Variants in KCNIP4 observed in about 807,000 individuals in gnomAD.
KCNIP4 encodes the protein Kv channel-interacting protein 4.
Under a neutral mutation model 34.0 loss-of-function variants are expected in KCNIP4, and 12 were observed. The ratio of observed to expected loss-of-function variants is 0.35; its 90% CI spans 0.23 to 0.57. The LOEUF (loss-of-function observed/expected upper bound fraction) is 0.57. Among genes scored for constraint, KCNIP4 ranks in the 20% least tolerant of loss-of-function variants. The pLI is 0.83. For missense variants in KCNIP4, 238 were observed against 311.7 expected (o/e 0.76, Z 1.78); for synonymous variants, 124 against 102.2 (o/e 1.21, Z -1.29).
At chr4:21,823,731 G>A (rs1458878825) in intron 1 of KCNIP4, among the ~76,000 whole-genome samples, 2 of 152,166 alleles carry the variant, frequency 1.3e-5, no homozygotes, top group East Asian at 1.9e-4. Context: ...AGGCTAAATA[G>A]TTAGAAAGGC....
intron 1 of KCNIP4, among the ~76,000 whole-genome samples, chr4:21,218,852 T>G (rs1362059538): frequency 6.6e-6 from 1 of 152,138 alleles, no homozygotes; most frequent in Non-Finnish European, 1.5e-5. Flanking sequence ...TAGTGTGATA[T>G]ATATATGTGG....
At chr4:21,910,749 T>C (rs980248473) in intron 1 of KCNIP4, among the ~76,000 whole-genome samples, 1 of 152,194 alleles carries the variant, frequency 6.6e-6, no homozygotes, top group African/African-American at 2.4e-5. Flanking sequence ...CCAGTTACTT[T>C]TCAGCTTCTG....
intron 1 of KCNIP4, among the ~76,000 whole-genome samples, chr4:21,242,601 G>T (rs978268068): frequency 6.6e-6 from 1 of 152,110 alleles, no homozygotes; most frequent in Non-Finnish European, 1.5e-5. Flanking sequence ...TTGAGAGTCT[G>T]AATAGAACAA....
intron 1 of KCNIP4, among the ~76,000 whole-genome samples, chr4:21,500,699 T>C (rs1366579445): frequency 6.6e-6 from 1 of 152,096 alleles, no homozygotes; most frequent in African/African-American, 2.4e-5. Context: ...AAAAGTACTG[T>C]CATAAATTCT....
Position 21,694,921 on chromosome 4 carries a change from A to T in KCNIP4, c.61+253650T>A, listed in dbSNP as rs548499905. On this transcript the variant is annotated intron_variant, in intron 1 of 8. Coordinates refer to ENST00000382152, the MANE Select transcript of KCNIP4 (RefSeq NM_025221.6). Reference sequence around the variant, plus strand: ...TCAGATAACACGATTGACCAAAAAAAAAAAAAAAATAAAAATAAATAAATA... The same window carrying T: ...TCAGATAACACGATTGACCAAAAAATAAAAAAAAATAAAAATAAATAAATA... Among the ~76,000 whole-genome samples the T allele has an allele frequency of 1.9e-3, 183 of 96,088 alleles. 2 individuals carry two copies. The highest frequency in any genetic ancestry group is 3.8e-3 in the Non-Finnish European group (156 of 40,548). 63.0% of individuals were successfully genotyped at this position (96,088 alleles called of 152,430 possible).
intron 2 of KCNIP4, among the ~76,000 whole-genome samples, chr4:20,878,635 T>G (rs1724330691): frequency 6.6e-6 from 1 of 152,200 alleles, no homozygotes; most frequent in Non-Finnish European, 1.5e-5. Flanking sequence ...GTATCATGCC[T>G]GCCCTATATG....
At chr4:20,761,603 G>C (rs747758639) in intron 3 of KCNIP4, among the ~76,000 whole-genome samples, 61 of 152,232 alleles carry the variant, frequency 4.0e-4, no homozygotes, top group Non-Finnish European at 7.5e-4. Context: ...GTTAGAGCTG[G>C]AAAGTTGCCT....
chr4:21,460,907 G>C (rs1314550189), intron 1 of KCNIP4, among the ~76,000 whole-genome samples: 2 of 152,004 alleles, frequency 1.3e-5, no homozygotes, highest in African/African-American at 4.8e-5. Flanking sequence ...TGTGGTTTGT[G>C]GACCAGTGCA....
At chr4:21,352,353 G>A (rs1000597196) in intron 1 of KCNIP4, among the ~76,000 whole-genome samples, 1 of 152,172 alleles carries the variant, frequency 6.6e-6, no homozygotes, top group Non-Finnish European at 1.5e-5. Flanking sequence ...CAAGGGGTCA[G>A]GAGATTTCCC....
intron 1 of KCNIP4, among the ~76,000 whole-genome samples, chr4:20,890,905 G>A (rs6447995): frequency 0.72 from 108,935 of 151,946 alleles, 39,249 homozygotes; most frequent in Non-Finnish European, 0.75. Flanking sequence ...AGACCTCAGT[G>A]GTGGCATATG....
rs572869510 is a variant in KCNIP4, at chr4:21,419,555, A to G, written c.61+529016T>C. Among the ~76,000 whole-genome samples the G allele has an allele frequency of 6.6e-5, 10 of 152,304 alleles. No homozygotes were observed. In the East Asian group the frequency reaches 1.9e-3, roughly 29 times the overall value. On this transcript the variant is annotated intron_variant, in intron 1 of 8. Coordinates refer to ENST00000382152, the MANE Select transcript of KCNIP4 (RefSeq NM_025221.6). ...ATACAGTAATATCTATCTTAAAATAACTAAATAAAATTATGTAGGTACAGT... is the reference window on the plus strand; with the variant it reads ...ATACAGTAATATCTATCTTAAAATAGCTAAATAAAATTATGTAGGTACAGT...
chr4:20,834,874 GT>G (rs537722553), intron 3 of KCNIP4, among the ~76,000 whole-genome samples: 287 of 152,256 alleles, frequency 1.9e-3, no homozygotes, highest in Non-Finnish European at 3.2e-3. Flanking sequence ...AATGAGGAGT[GT>G]TTGTCAGATA....
At chr4:20,842,964 G>T (rs1719932846) in intron 3 of KCNIP4, among the ~76,000 whole-genome samples, 1 of 150,650 alleles carries the variant, frequency 6.6e-6, no homozygotes, top group East Asian at 2.0e-4. Context: ...CTGGAGTGCA[G>T]AGGCACAATC....
chr4:21,881,666 T>C (rs980600460), intron 1 of KCNIP4, among the ~76,000 whole-genome samples: 1 of 152,162 alleles, frequency 6.6e-6, no homozygotes, highest in African/African-American at 2.4e-5. Context: ...TCTGGGTTTG[T>C]GGAAATTACC....
At chr4:21,525,429 A>C (rs1386973712) in intron 1 of KCNIP4, among the ~76,000 whole-genome samples, 1 of 152,122 alleles carries the variant, frequency 6.6e-6, no homozygotes, top group Non-Finnish European at 1.5e-5. Flanking sequence ...CTCAAATGTG[A>C]AGAGGAGTAG....
In KCNIP4 at chr4:20,927,845, T is replaced by C. The variant is rs189422658; in HGVS notation, c.62-45136A>G. On this transcript the variant is annotated intron_variant, in intron 1 of 8. Coordinates refer to ENST00000382152, the MANE Select transcript of KCNIP4 (RefSeq NM_025221.6). ...GCTACATTTATCTAGATTTTTTAAGTGTATTTTTAGAGCCAGACAACAATG... is the reference window on the plus strand; with the variant it reads ...GCTACATTTATCTAGATTTTTTAAGCGTATTTTTAGAGCCAGACAACAATG... Among the ~76,000 whole-genome samples the C allele has an allele frequency of 1.1e-3, 173 of 152,264 alleles. 1 individual carries two copies. Among genetic ancestry groups the C allele is most frequent in the Middle Eastern group, 6.8e-3 (2 of 294 alleles).
chr4:21,839,174 T>C (rs1331204490), intron 1 of KCNIP4, among the ~76,000 whole-genome samples: 2 of 152,178 alleles, frequency 1.3e-5, no homozygotes, highest in Non-Finnish European at 2.9e-5. Flanking sequence ...TATAAGTGTA[T>C]AGAAATCCTA....
At chr4:21,424,322 C>G (rs959053784) in intron 1 of KCNIP4, among the ~76,000 whole-genome samples, 1 of 151,560 alleles carries the variant, frequency 6.6e-6, no homozygotes, top group South Asian at 2.1e-4. Flanking sequence ...CCTGTAATCC[C>G]TGCAATTTGG....
chr4:21,457,466 C>A (rs1729052921), intron 1 of KCNIP4, among the ~76,000 whole-genome samples: 1 of 152,066 alleles, frequency 6.6e-6, no homozygotes. Flanking sequence ...ACATCATTCA[C>A]TCTCTCAATT....
Sources: gnomAD v4.1 joint callset for allele counts (sites outside exome capture counted in the v4.1 genomes callset) on GRCh38, gnomAD v4.1.1 for gene constraint, MANE v1.5 for transcripts, NCBI Gene and HGNC (gene_info 2026-07-23, HGNC 2026-07-21) for gene names.